Variants in LGR4 observed in about 807,000 individuals in gnomAD.
The protein encoded by LGR4 is leucine-rich repeat-containing G protein-coupled receptor 4.
In LGR4, 44 loss-of-function variants were observed where a neutral mutation model predicts 84.8. The ratio of observed to expected loss-of-function variants is 0.52; its 90% CI spans 0.41 to 0.67. The LOEUF is 0.67. LGR4 is among the 30% of genes least tolerant of loss of function. The probability of loss-of-function intolerance (pLI) is 0.00; values close to 1 mark genes in which losing one functional copy is unlikely to be tolerated. For synonymous variants in LGR4, 429 were observed against 434.3 expected, an observed-to-expected ratio of 0.99 and a Z score of 0.15; for missense variants, 1,032 against 1,131.4, an observed-to-expected ratio of 0.91 and a Z score of 1.26.
intron 6 of LGR4, among the ~76,000 whole-genome samples, chr11:27,383,010 T>C (rs2351685): frequency 0.99 from 150,688 of 152,220 alleles, 74,603 homozygotes; most frequent in East Asian, 1. Context: ...AGCGAGACTC[T>C]GTCTCAAAAA....
At chr11:27,397,672 C>T (rs961580059) in intron 2 of LGR4, among the ~76,000 whole-genome samples, 6 of 152,166 alleles carry the variant, frequency 3.9e-5, no homozygotes, top group African/African-American at 1.4e-4. Context: ...TTTTATTTCT[C>T]GACATATGCT....
intron 1 of LGR4, among the ~76,000 whole-genome samples, chr11:27,443,945 G>C (rs1352178231): frequency 6.6e-6 from 1 of 152,158 alleles, no homozygotes; most frequent in East Asian, 1.9e-4. Context: ...TCAGCTAGCT[G>C]AGCCAATGGG....
chr11:27,472,312 C>A lies in LGR4; in HGVS notation c.-10G>T. The A allele has an allele frequency of 1.7e-6, 2 of 1,198,364 alleles. No individual in the cohort carries two copies. Among genetic ancestry groups the A allele is most frequent in the Non-Finnish European group, 2.1e-6 (2 of 966,954 alleles). The allele number at this position is 1,198,364 out of a possible 1,614,324, so 74.2% of individuals were successfully genotyped here. On this transcript the variant is annotated 5_prime_UTR_variant, in exon 1 of 18. Transcript: ENST00000379214. Reference sequence around the variant, plus strand: ...CTAGCGGGCCCGGCATTGCTGCGGCCGCCTCCCGCGCCGGCCTCTCCCGCG... The same window carrying A: ...CTAGCGGGCCCGGCATTGCTGCGGCAGCCTCCCGCGCCGGCCTCTCCCGCG...
At chr11:27,454,604 A>G (rs761268312) in intron 1 of LGR4, among the ~76,000 whole-genome samples, 1 of 152,084 alleles carries the variant, frequency 6.6e-6, no homozygotes, top group Non-Finnish European at 1.5e-5. Flanking sequence ...TACTAAAAAT[A>G]CTAAAACTTA....
At position 27,442,430 on chromosome 11, in the gene LGR4, A is replaced by G. The variant is rs190515036; in HGVS notation, c.186-29570T>C. Among the ~76,000 whole-genome samples the G allele has an allele frequency of 3.9e-5, 6 of 152,320 alleles. No homozygotes were observed. The East Asian group carries it at 1.2e-3, about 29-fold the overall frequency. ...CAACTACGTTACCTACCTTGCCGCA[A>G]AACTTTATTTTGTTTTGTTTTACAA... On this transcript the variant is annotated intron_variant, in intron 1 of 17. Transcript: ENST00000379214.
chr11:27,410,846 G>A (rs759311778), intron 2 of LGR4, among the ~76,000 whole-genome samples: 5 of 152,044 alleles, frequency 3.3e-5, no homozygotes, highest in Non-Finnish European at 5.9e-5. Context: ...ATATGACCTT[G>A]CTACAAAGAA....
At chr11:27,466,952 T>A in intron 1 of LGR4, among the ~76,000 whole-genome samples, 1 of 151,542 alleles carries the variant, frequency 6.6e-6, no homozygotes. Context: ...CCCGGCTAAT[T>A]TTTTTTTATT....
In LGR4 at chr11:27,368,153, ACAGT is replaced by A; in HGVS notation, c.2566_2569del (p.Thr856PhefsTer10). ...AAGAAACGATTCGCAGCAGTCGCAA[ACAGT>A]CAGGTTGCCCTGCAAATGTGAGTAC... On this transcript the variant is annotated frameshift_variant, in exon 18 of 18. Transcript: ENST00000379214. LOFTEE classifies it high-confidence loss of function. 1 of 1,614,234 alleles carries A rather than the reference ACAGT, an allele frequency of 6.2e-7. No homozygotes were observed. The highest frequency in any genetic ancestry group is 8.5e-7 in the Non-Finnish European group (1 of 1,180,030).
At chr11:27,425,568 C>T (rs1565089012) in intron 1 of LGR4, among the ~76,000 whole-genome samples, 1 of 152,032 alleles carries the variant, frequency 6.6e-6, no homozygotes, top group East Asian at 1.9e-4. Flanking sequence ...AGCGAAGATC[C>T]CACCTCAGCC....
At chr11:27,418,366 C>T (rs1210435194) in intron 1 of LGR4, among the ~76,000 whole-genome samples, 1 of 152,178 alleles carries the variant, frequency 6.6e-6, no homozygotes, top group Admixed American at 6.5e-5. Flanking sequence ...ATTTTTTTGA[C>T]CCTACATGTT....
chr11:27,462,229 T>C (rs1261544209), intron 1 of LGR4, among the ~76,000 whole-genome samples: 2 of 152,176 alleles, frequency 1.3e-5, no homozygotes, highest in Non-Finnish European at 2.9e-5. Context: ...CTTTAAAGGA[T>C]GGGCTATCAC....
intron 1 of LGR4, among the ~76,000 whole-genome samples, chr11:27,447,449 G>T (rs1016451488): frequency 6.6e-6 from 1 of 152,104 alleles, no homozygotes; most frequent in Non-Finnish European, 1.5e-5. Flanking sequence ...ATGTCATGGC[G>T]ATGTCCAGAA....
chr11:27,413,708 C>T (rs962903867), intron 1 of LGR4, among the ~76,000 whole-genome samples: 2 of 152,058 alleles, frequency 1.3e-5, no homozygotes, highest in Non-Finnish European at 2.9e-5. Flanking sequence ...TTGGGTCTCC[C>T]CTCTCTAGAA....
At chr11:27,440,855 G>A (rs1055173557) in intron 1 of LGR4, among the ~76,000 whole-genome samples, 7 of 152,146 alleles carry the variant, frequency 4.6e-5, no homozygotes, top group South Asian at 2.1e-4. Context: ...CCCCCACCCA[G>A]GTCGATGGAA....
At chr11:27,429,026 T>C (rs537957440) in intron 1 of LGR4, among the ~76,000 whole-genome samples, 122 of 152,196 alleles carry the variant, frequency 8.0e-4, no homozygotes, top group Non-Finnish European at 1.5e-3. Flanking sequence ...GAGTTGTAAC[T>C]TCAAGCCTAG....
At chr11:27,390,697 G>A (rs1018709006) in intron 4 of LGR4, among the ~76,000 whole-genome samples, 2 of 152,114 alleles carry the variant, frequency 1.3e-5, no homozygotes, top group Admixed American at 6.6e-5. Context: ...ACAAAATTGA[G>A]GAATTACAAT....
intron 11 of LGR4, 86 bp downstream of exon 11, chr11:27,378,611 T>C: frequency 1.0e-6 from 1 of 975,604 alleles, no homozygotes; most frequent in Non-Finnish European, 1.6e-6. Flanking sequence ...AACCACCTTA[T>C]GAAAGTAGAT....
chr11:27,440,289 C>A (rs777628462), intron 1 of LGR4, among the ~76,000 whole-genome samples: 28 of 152,166 alleles, frequency 1.8e-4, no homozygotes, highest in Non-Finnish European at 2.9e-4. Flanking sequence ...AATACACCTG[C>A]CCACCCAGCA....
In LGR4 at chr11:27,368,556, C is replaced by T. The variant is rs762481038; in HGVS notation, c.2167G>A (p.Val723Ile). 54 of 1,613,322 alleles carry T rather than the reference C, an allele frequency of 3.3e-5. No individual in the cohort carries two copies. The highest frequency in any genetic ancestry group is 3.3e-4 in the Middle Eastern group (2 of 6,084). Reference protein sequence around the residue: ...LNSLAFLLMAVIYTKLYCNLE... With the variant: ...LNSLAFLLMAIIYTKLYCNLE... Reference sequence around the variant, plus strand: ...TTGCAGTATAGTTTAGTGTAGATAACGGCCATTAATAAAAATGCTAGTGAG... The same window carrying T: ...TTGCAGTATAGTTTAGTGTAGATAATGGCCATTAATAAAAATGCTAGTGAG... The change falls in exon 18 of 18, where the codon GTT (valine) becomes ATT (isoleucine). Residue 723 changes from valine to isoleucine, a missense_variant. Coordinates refer to ENST00000379214, the MANE Select transcript of LGR4 (RefSeq NM_018490.5).
Sources: allele counts gnomAD v4.1 joint callset (sites outside exome capture counted in the v4.1 genomes callset), GRCh38; gene constraint gnomAD v4.1.1; transcripts MANE v1.5; gene names NCBI Gene and HGNC (gene_info 2026-07-23, HGNC 2026-07-21).